DNAH5: variants seen among roughly 807,000 people sequenced by gnomAD.
DNAH5 encodes the protein axonemal beta dynein heavy chain 5.
In DNAH5, 372 loss-of-function variants were observed where a neutral mutation model predicts 518.2. That is an observed-to-expected ratio of 0.72 (90% CI 0.66 to 0.78). DNAH5 has a LOEUF of 0.78. Ranked by LOEUF, DNAH5 falls within the 30% of genes least tolerant of loss-of-function variation. The pLI, the probability that DNAH5 is intolerant of heterozygous loss-of-function variation, is 0.00. For synonymous variants in DNAH5, 2,039 were observed against 2,025.9 expected (o/e 1.01, Z -0.17); for missense variants, 5,523 against 5,687.0 (o/e 0.97, Z 0.93).
At chr5:13,804,873 T>G (rs1759333497) in intron 47 of DNAH5, among the ~76,000 whole-genome samples, 1 of 152,250 alleles carries the variant, frequency 6.6e-6, no homozygotes, top group Non-Finnish European at 1.5e-5. Context: ...ACATATGGCT[T>G]TTTCCAGGAA....
At position 13,901,350 on chromosome 5, in the gene DNAH5, T is replaced by G; in HGVS notation, c.1954A>C (p.Ser652Arg). Residue 652 changes from serine to arginine, a missense_variant, in exon 14 of 79, where the codon AGC becomes CGC. Coordinates refer to ENST00000265104, the MANE Select transcript of DNAH5 (RefSeq NM_001369.3). ...ATTATAGGTTTGGCTTCTGCCGTGC[T>G]TAGCACAGCTGGGTGCTGCTGGAAA... Reference protein sequence around the residue: ...QLFQQHPAVLSTAEAKPIIRS... With the variant: ...QLFQQHPAVLRTAEAKPIIRS... 6 of 1,614,184 alleles carry G rather than the reference T, an allele frequency of 3.7e-6. No individual in the cohort carries two copies. The highest frequency in any genetic ancestry group is 5.1e-6 in the Non-Finnish European group (6 of 1,180,016).
At chr5:13,706,748 C>T (rs1472316010) in intron 76 of DNAH5, among the ~76,000 whole-genome samples, 3 of 152,212 alleles carry the variant, frequency 2.0e-5, no homozygotes, top group Non-Finnish European at 4.4e-5. Flanking sequence ...TTCCTTAAAA[C>T]CGTATCTGTC....
chr5:13,695,014 T>C (rs1428574823), intron 78 of DNAH5, among the ~76,000 whole-genome samples: 1 of 152,216 alleles, frequency 6.6e-6, no homozygotes, highest in Non-Finnish European at 1.5e-5. Flanking sequence ...TAGAGAGCTA[T>C]AGTGATAACT....
At chr5:13,971,738 T>G (rs564801721) in intron 1 of DNAH5, among the ~76,000 whole-genome samples, 1 of 151,916 alleles carries the variant, frequency 6.6e-6, no homozygotes, top group South Asian at 2.1e-4. Context: ...AATGTGCTGG[T>G]TTTGTGTTGG....
intron 31 of DNAH5, among the ~76,000 whole-genome samples, chr5:13,845,947 C>T (rs564163762): frequency 7.3e-5 from 11 of 149,828 alleles, no homozygotes; most frequent in Admixed American, 4.7e-4. Flanking sequence ...TCTCCTGCTT[C>T]AGCCTCCGAA....
intron 24 of DNAH5, among the ~76,000 whole-genome samples, chr5:13,869,989 A>G (rs1769837226): frequency 1.3e-5 from 2 of 152,138 alleles, no homozygotes; most frequent in Non-Finnish European, 2.9e-5. Context: ...CTTAAATTAC[A>G]CTATGTATGT....
chr5:14,008,984 G>C (rs1411068235), intron 1 of DNAH5, among the ~76,000 whole-genome samples: 1 of 152,236 alleles, frequency 6.6e-6, no homozygotes, highest in African/African-American at 2.4e-5. Context: ...TCCATGTCCT[G>C]TCTCGAAGCT....
At chr5:13,855,296 C>T (rs1415833985) in intron 30 of DNAH5, among the ~76,000 whole-genome samples, 3 of 52,718 alleles carry the variant, frequency 5.7e-5, no homozygotes, top group African/African-American at 1.8e-4. Flanking sequence ...GCAAGCTCCG[C>T]CTCCCGGGTT....
chr5:13,911,525 T>A, intron 11 of DNAH5, 32 bp from the exon 12 acceptor site: 1 of 1,504,266 alleles, frequency 6.6e-7, no homozygotes, highest in Non-Finnish European at 9.2e-7. Flanking sequence ...TAGATAATAT[T>A]TCAATATTCT....
chr5:13,881,156 T>C (rs1771623100), intron 21 of DNAH5, among the ~76,000 whole-genome samples: 1 of 151,986 alleles, frequency 6.6e-6, no homozygotes, highest in Non-Finnish European at 1.5e-5. Context: ...ATAAAGTAAA[T>C]ATTAAGAGAT....
At chr5:13,978,929 G>A (rs1201853452) in intron 1 of DNAH5, among the ~76,000 whole-genome samples, 1 of 152,084 alleles carries the variant, frequency 6.6e-6, no homozygotes, top group Non-Finnish European at 1.5e-5. Flanking sequence ...TACAATGTCT[G>A]CCACCTGGTC....
intron 75 of DNAH5, among the ~76,000 whole-genome samples, chr5:13,710,983 T>C (rs781689105): frequency 1.3e-5 from 2 of 152,258 alleles, no homozygotes; most frequent in Middle Eastern, 3.4e-3. Context: ...TTCTACAAGA[T>C]AGAGAAAGAA....
intron 1 of DNAH5, among the ~76,000 whole-genome samples, chr5:13,985,430 A>AATATATATATATATATATATAT (rs145568740): frequency 6.3e-5 from 8 of 127,326 alleles, no homozygotes; most frequent in Non-Finnish European, 1.2e-4. Context: ...AGTATAATAA[A>AATATATATATATATATATATAT]ATATATATAT....
At chr5:13,929,793 TATCCCTA>T (rs1441275880) in intron 2 of DNAH5, among the ~76,000 whole-genome samples, 4 of 152,168 alleles carry the variant, frequency 2.6e-5, no homozygotes, top group Non-Finnish European at 5.9e-5. Flanking sequence ...TTTAACCTGG[TATCCCTA>T]CAGAGCTGAA....
intron 30 of DNAH5, among the ~76,000 whole-genome samples, chr5:13,853,871 T>C (rs1048215507): frequency 4.6e-5 from 7 of 151,982 alleles, no homozygotes; most frequent in Non-Finnish European, 8.8e-5. Context: ...TATGAGACTA[T>C]GTGAAAAGAC....
chr5:13,963,845 C>T (rs552049152), intron 1 of DNAH5, among the ~76,000 whole-genome samples: 15 of 152,244 alleles, frequency 9.9e-5, no homozygotes, highest in South Asian at 2.1e-4. Flanking sequence ...TGTGCCACCA[C>T]GCCCAGCTAA....
chr5:13,943,169 G>A (rs75013701), intron 1 of DNAH5, among the ~76,000 whole-genome samples: 1,561 of 152,278 alleles, frequency 0.01, 20 homozygotes, highest in African/African-American at 0.035. Flanking sequence ...ACTTGGTACT[G>A]AAGCACAGGA....
chr5:13,960,678 A>G (rs1367890822), intron 1 of DNAH5, among the ~76,000 whole-genome samples: 1 of 152,216 alleles, frequency 6.6e-6, no homozygotes, highest in African/African-American at 2.4e-5. Context: ...TTACGTCAGC[A>G]TAGGGGAACC....
chr5:14,000,402 A>G (rs1784271511), intron 1 of DNAH5, among the ~76,000 whole-genome samples: 1 of 152,172 alleles, frequency 6.6e-6, no homozygotes, highest in Non-Finnish European at 1.5e-5. Context: ...ACTGTGAGAG[A>G]GTAAGTTTCT....
Sources: allele counts gnomAD v4.1 joint callset (sites outside exome capture counted in the v4.1 genomes callset), GRCh38; gene constraint gnomAD v4.1.1; transcripts MANE v1.5; gene names NCBI Gene and HGNC (gene_info 2026-07-23, HGNC 2026-07-21).